RBMS3: variants seen among roughly 807,000 people sequenced by gnomAD.
The protein encoded by RBMS3 is RNA-binding motif, single-stranded-interacting protein 3.
In RBMS3, 27 loss-of-function variants were observed where a neutral mutation model predicts 66.8. That is an observed-to-expected ratio of 0.40 (90% CI 0.30 to 0.56). RBMS3 has a LOEUF of 0.56. Among genes scored for constraint, RBMS3 ranks in the 20% least tolerant of loss-of-function variants. The probability of loss-of-function intolerance (pLI) is 0.40; values close to 1 mark genes in which losing one functional copy is unlikely to be tolerated. For missense variants in RBMS3, 513 were observed against 549.5 expected (o/e 0.93, Z 0.66); for synonymous variants, 188 against 183.0 (o/e 1.03, Z -0.22).
At chr3:29,958,129 C>T (rs555159812) in intron 12 of RBMS3, among the ~76,000 whole-genome samples, 22 of 152,132 alleles carry the variant, frequency 1.4e-4, no homozygotes, top group Non-Finnish European at 2.8e-4. Flanking sequence ...CATGAACAAA[C>T]AAGGCACCCT....
intron 4 of RBMS3, among the ~76,000 whole-genome samples, chr3:29,611,577 G>A (rs1344510593): frequency 1.3e-5 from 2 of 151,570 alleles, no homozygotes; most frequent in African/African-American, 2.4e-5. Flanking sequence ...AAAAATGCAG[G>A]TATTGAGTGA....
intron 14 of RBMS3, among the ~76,000 whole-genome samples, chr3:29,993,970 G>T (rs973085819): frequency 6.6e-6 from 1 of 152,218 alleles, no homozygotes; most frequent in East Asian, 1.9e-4. Flanking sequence ...ACAGCTCCCA[G>T]TGTGAGCGAC....
intron 3 of RBMS3, among the ~76,000 whole-genome samples, chr3:29,551,785 C>A (rs1308319334): frequency 6.6e-6 from 1 of 152,008 alleles, no homozygotes; most frequent in Non-Finnish European, 1.5e-5. Flanking sequence ...TTCAGTGTAC[C>A]AACATAAAGT....
chr3:29,292,677 GA>G (rs1365854676), intron 1 of RBMS3, among the ~76,000 whole-genome samples: 1 of 151,070 alleles, frequency 6.6e-6, no homozygotes, highest in Non-Finnish European at 1.5e-5. Context: ...AGTAAAAAAA[GA>G]AAAAAAGATG....
intron 3 of RBMS3, among the ~76,000 whole-genome samples, chr3:29,527,393 GATTAA>G: frequency 6.6e-6 from 1 of 152,076 alleles, no homozygotes; most frequent in East Asian, 1.9e-4. Flanking sequence ...GCACTAAGAT[GATTAA>G]ATTAAGCTTC....
intron 5 of RBMS3, among the ~76,000 whole-genome samples, chr3:29,745,343 G>T (rs1252589448): frequency 6.6e-6 from 1 of 152,010 alleles, no homozygotes; most frequent in African/African-American, 2.4e-5. Context: ...TCTAAAAACC[G>T]AAGTTTATGG....
chr3:29,513,544 C>T (rs1006758864), intron 3 of RBMS3, among the ~76,000 whole-genome samples: 2 of 152,144 alleles, frequency 1.3e-5, no homozygotes, highest in African/African-American at 4.8e-5. Context: ...AAGTTCTTGA[C>T]AAAGCCATAA....
chr3:29,333,888 T>C (rs6800598), intron 1 of RBMS3, among the ~76,000 whole-genome samples: 47,720 of 152,020 alleles, frequency 0.31, 8,139 homozygotes, highest in Admixed American at 0.43. Context: ...AAATTTCTTG[T>C]TCAGTGGAGC....
chr3:29,613,354 G>A lies in RBMS3; in HGVS notation c.399+26149G>A, dbSNP rs766678536. ...CACATCCTCTCCAACACTTGTTATC[G>A]CTCATCTTTTTGATGACATGATCAT... On this transcript the variant is annotated intron_variant, in intron 4 of 14. Transcript: ENST00000383767. Among the ~76,000 whole-genome samples the A allele has an allele frequency of 4.7e-4, 72 of 151,826 alleles. 2 individuals carry two copies. The highest frequency in any genetic ancestry group is 1.2e-3 in the East Asian group (6 of 5,150).
intron 1 of RBMS3, among the ~76,000 whole-genome samples, chr3:29,327,155 G>C (rs1405495133): frequency 4.6e-5 from 7 of 152,166 alleles, no homozygotes; most frequent in African/African-American, 1.7e-4. Context: ...CATGAAAATT[G>C]AAAGTACAAA....
intron 1 of RBMS3, among the ~76,000 whole-genome samples, chr3:29,321,037 A>C (rs192314299): frequency 6.6e-6 from 1 of 152,228 alleles, no homozygotes; most frequent in Admixed American, 6.6e-5. Flanking sequence ...TCATATACTT[A>C]GCCAATGAAC....
At chr3:29,827,385 A>G (rs761206412) in intron 6 of RBMS3, among the ~76,000 whole-genome samples, 7 of 152,190 alleles carry the variant, frequency 4.6e-5, no homozygotes, top group Non-Finnish European at 7.4e-5. Context: ...CCCTGTGTCA[A>G]TGGTCAATCG....
intron 4 of RBMS3, among the ~76,000 whole-genome samples, chr3:29,729,867 C>A (rs1050129531): frequency 6.6e-6 from 1 of 151,934 alleles, no homozygotes; most frequent in Admixed American, 6.6e-5. Context: ...AGAAGAACAA[C>A]AAAAAGAACA....
At chr3:29,981,437 A>C (rs1697987935) in intron 12 of RBMS3, among the ~76,000 whole-genome samples, 2 of 152,114 alleles carry the variant, frequency 1.3e-5, no homozygotes, top group African/African-American at 4.8e-5. Context: ...CTCTTGCCTG[A>C]TTGACCTGGC....
chr3:29,311,650 G>A (rs987333195), intron 1 of RBMS3, among the ~76,000 whole-genome samples: 1 of 151,730 alleles, frequency 6.6e-6, no homozygotes, highest in African/African-American at 2.4e-5. Flanking sequence ...ACTTTTATAG[G>A]CTATTGGAAG....
intron 6 of RBMS3, among the ~76,000 whole-genome samples, chr3:29,814,574 A>G: frequency 6.6e-6 from 1 of 152,074 alleles, no homozygotes; most frequent in Admixed American, 6.6e-5. Context: ...TCCTCCTTGT[A>G]CCTCTGGTAG....
intron 6 of RBMS3, among the ~76,000 whole-genome samples, chr3:29,789,630 A>G (rs559998702): frequency 1.3e-5 from 2 of 152,258 alleles, no homozygotes; most frequent in South Asian, 4.1e-4. Flanking sequence ...AGTATTTTAC[A>G]TAATGTTTGA....
chr3:29,750,560 T>C (rs2055128398), intron 5 of RBMS3, among the ~76,000 whole-genome samples: 1 of 152,158 alleles, frequency 6.6e-6, no homozygotes, highest in Non-Finnish European at 1.5e-5. Flanking sequence ...TTTTCTAACT[T>C]TTATTTTAAA....
intron 10 of RBMS3, among the ~76,000 whole-genome samples, chr3:29,926,056 C>G (rs775164635): frequency 7.9e-5 from 12 of 152,054 alleles, no homozygotes; most frequent in Non-Finnish European, 1.5e-4. Flanking sequence ...TCTTGAAGGC[C>G]TCAGAATGTA....
Sources: allele counts gnomAD v4.1 joint callset (sites outside exome capture counted in the v4.1 genomes callset), GRCh38; gene constraint gnomAD v4.1.1; transcripts MANE v1.5; gene names NCBI Gene and HGNC (gene_info 2026-07-23, HGNC 2026-07-21).